The following PCDHGA3 variants were observed in gnomAD, a reference collection of about 807,000 sequenced individuals.
The protein encoded by PCDHGA3 is protocadherin gamma subfamily A, 3.
In PCDHGA3, 40 loss-of-function variants were observed where a neutral mutation model predicts 58.5. The ratio of observed to expected loss-of-function variants is 0.68; its 90% CI spans 0.53 to 0.89. The LOEUF is 0.89. Ranked by LOEUF, PCDHGA3 falls within the 40% of genes least tolerant of loss-of-function variation. The pLI is 0.00. For missense variants in PCDHGA3, 1,223 were observed against 1,195.9 expected (o/e 1.02, Z -0.33); for synonymous variants, 530 against 525.7 (o/e 1.01, Z -0.11).
At chr5:141,471,073 G>A (rs2099249169) in intron 1 of PCDHGA3, among the ~76,000 whole-genome samples, 2 of 143,298 alleles carry the variant, frequency 1.4e-5, no homozygotes, top group Non-Finnish European at 3.0e-5. Flanking sequence ...TTTTGAGACA[G>A]GGTCTCCCTC....
intron 1 of PCDHGA3, chr5:141,370,324 C>A: frequency 7.3e-7 from 1 of 1,378,620 alleles, no homozygotes. Flanking sequence ...TGGTCCTGCT[C>A]GGAGAACTCT....
At chr5:141,508,739 C>A (rs1344024245) in intron 3 of PCDHGA3, among the ~76,000 whole-genome samples, 1 of 152,156 alleles carries the variant, frequency 6.6e-6, no homozygotes, top group African/African-American at 2.4e-5. Context: ...ACACCCCCCA[C>A]CCCGCTCTTT....
At chr5:141,430,945 C>G (rs1466092130) in intron 1 of PCDHGA3, 1 of 1,609,234 alleles carries the variant, frequency 6.2e-7, no homozygotes, top group Non-Finnish European at 8.5e-7. Context: ...TCGCGGAGCG[C>G]GGAGTCCGCA....
At chr5:141,384,236 A>T in intron 1 of PCDHGA3, 1 of 1,613,886 alleles carries the variant, frequency 6.2e-7, no homozygotes, top group Non-Finnish European at 8.5e-7. Context: ...GCAGACACCA[A>T]CGATAACCCA....
intron 1 of PCDHGA3, chr5:141,391,220 T>C (rs1189350408): frequency 6.6e-6 from 1 of 152,208 alleles, no homozygotes; most frequent in South Asian, 2.1e-4. Context: ...GAACATTATA[T>C]GAGCCTTTTG....
At position 141,487,763 on chromosome 5, in the gene PCDHGA3, G is replaced by A; in HGVS notation, c.2425-7044G>A. ...AAGAGGTAACTATGTGGTAGACGCT[G>A]TGCTTTGTAACTGTTTCGTGAATTA... On this transcript the variant is annotated intron_variant, in intron 1 of 3. Coordinates refer to ENST00000253812, the MANE Select transcript of PCDHGA3 (RefSeq NM_018916.4). This position sits in a 1 kb window ranked among gnomAD's most constrained non-coding sequence, Gnocchi z 5.0. 6.5e-7 allele frequency: 1 copy of A among 1,544,968 alleles called. No homozygotes were observed. The highest frequency in any genetic ancestry group is 1.2e-5 in the South Asian group (1 of 83,382).
chr5:141,365,768 G>A (rs1246552960), intron 1 of PCDHGA3: 2 of 1,613,812 alleles, frequency 1.2e-6, no homozygotes, highest in African/African-American at 1.3e-5. Flanking sequence ...CCATGACCCC[G>A]ACAGCGGCGA....
intron 1 of PCDHGA3, among the ~76,000 whole-genome samples, chr5:141,470,360 T>G (rs1554150725): frequency 6.6e-6 from 1 of 152,142 alleles, no homozygotes; most frequent in Non-Finnish European, 1.5e-5. Context: ...ATAGACACAT[T>G]AGGTTGAATG....
At chr5:141,405,880 G>T (rs2094729430) in intron 1 of PCDHGA3, among the ~76,000 whole-genome samples, 1 of 152,110 alleles carries the variant, frequency 6.6e-6, no homozygotes, top group Non-Finnish European at 1.5e-5. Flanking sequence ...GGGCCTAATT[G>T]TTGCTCCAAC....
At chr5:141,418,769 C>A (rs1488222030) in intron 1 of PCDHGA3, 2 of 1,613,828 alleles carry the variant, frequency 1.2e-6, no homozygotes, top group East Asian at 4.5e-5. Flanking sequence ...CATTCTAACT[C>A]AGCAGCCTTT....
intron 1 of PCDHGA3, chr5:141,423,612 T>G: frequency 6.2e-7 from 1 of 1,611,004 alleles, no homozygotes; most frequent in Non-Finnish European, 8.5e-7. Flanking sequence ...TCTTGATAGC[T>G]GAAGACTCAG....
intron 1 of PCDHGA3, chr5:141,441,038 G>A (rs1263659082): frequency 6.6e-6 from 1 of 152,156 alleles, no homozygotes; most frequent in African/African-American, 2.4e-5. Context: ...AAAACTTTAA[G>A]TACATTGGAC....
intron 1 of PCDHGA3, chr5:141,350,833 A>G: frequency 6.2e-7 from 1 of 1,614,050 alleles, no homozygotes; most frequent in Admixed American, 1.7e-5. Context: ...ATCCGGTATT[A>G]CTGCTGGAAA....
chr5:141,368,214 T>C (rs983603842), intron 1 of PCDHGA3, among the ~76,000 whole-genome samples: 12 of 152,194 alleles, frequency 7.9e-5, no homozygotes, highest in African/African-American at 2.9e-4. Flanking sequence ...ATATTACAAA[T>C]GGGATAGTAA....
chr5:141,414,946 C>T, intron 1 of PCDHGA3: 1 of 1,614,102 alleles, frequency 6.2e-7, no homozygotes, highest in East Asian at 2.2e-5. Context: ...GCCCGGCTAC[C>T]TGGTGACCAA....
chr5:141,433,098 T>G, intron 1 of PCDHGA3: 1 of 1,614,204 alleles, frequency 6.2e-7, no homozygotes, highest in Non-Finnish European at 8.5e-7. Context: ...GACATGCTCG[T>G]CAGCCAGGAG....
At chr5:141,351,036 T>C in intron 1 of PCDHGA3, 1 of 1,614,004 alleles carries the variant, frequency 6.2e-7, no homozygotes, top group Non-Finnish European at 8.5e-7. Flanking sequence ...ACCTCCGTGC[T>C]GCGGGTGATG....
chr5:141,501,296 C>T (rs4912760), intron 2 of PCDHGA3, among the ~76,000 whole-genome samples: 1,659 of 80,026 alleles, frequency 0.021, 16 homozygotes, highest in African/African-American at 0.042. Flanking sequence ...CTTATACACA[C>T]ACACACACAC....
chr5:141,363,100 A>G (rs1762808567), intron 1 of PCDHGA3, among the ~76,000 whole-genome samples: 3 of 152,266 alleles, frequency 2.0e-5, no homozygotes, highest in Admixed American at 2.0e-4. Context: ...AAGGACAGGC[A>G]ATGTTTGAGG....
Sources: allele counts gnomAD v4.1 joint callset (sites outside exome capture counted in the v4.1 genomes callset), GRCh38; gene constraint gnomAD v4.1.1; non-coding constraint Gnocchi (gnomAD v3.1); transcripts MANE v1.5; gene names NCBI Gene and HGNC (gene_info 2026-07-23, HGNC 2026-07-21).